IQCM: variants seen among roughly 807,000 people sequenced by gnomAD.
The protein encoded by IQCM is IQ motif containing M, also known as IQ domain-containing protein M.
A neutral mutation model predicts 57.6 loss-of-function variants in IQCM; 45 were observed. The observed-to-expected ratio is 0.78, with a 90% CI of 0.62 to 1.00. IQCM has a LOEUF of 1.00. Ranked by LOEUF, IQCM falls within the 50% of genes least tolerant of loss-of-function variation. The pLI is 0.00. For synonymous variants in IQCM, 148 were observed against 158.9 expected (o/e 0.93, Z 0.51); for missense variants, 468 against 511.6 (o/e 0.91, Z 0.82).
chr4:149,785,121 C>A (rs962337993), intron 2 of IQCM, among the ~76,000 whole-genome samples: 1 of 152,120 alleles, frequency 6.6e-6, no homozygotes, highest in Non-Finnish European at 1.5e-5. Context: ...TGATTCCTTA[C>A]GATCTAGGCA....
chr4:149,665,459 T>C (rs1012909139), intron 7 of IQCM, among the ~76,000 whole-genome samples: 1 of 152,182 alleles, frequency 6.6e-6, no homozygotes, highest in African/African-American at 2.4e-5. Flanking sequence ...CTCACTCACC[T>C]TTCTATGGTG....
intron 7 of IQCM, among the ~76,000 whole-genome samples, chr4:149,630,388 T>C (rs1757160078): frequency 6.6e-6 from 1 of 152,180 alleles, no homozygotes; most frequent in African/African-American, 2.4e-5. Flanking sequence ...ATTGTTATGG[T>C]GAACTAGATA....
chr4:149,656,317 CA>C (rs1287066655), intron 7 of IQCM, among the ~76,000 whole-genome samples: 3 of 151,944 alleles, frequency 2.0e-5, no homozygotes, highest in Non-Finnish European at 4.4e-5. Flanking sequence ...TAAATTTCAG[CA>C]TTTTCAAATC....
At chr4:149,570,498 G>A (rs1751052563) in intron 9 of IQCM, among the ~76,000 whole-genome samples, 1 of 151,946 alleles carries the variant, frequency 6.6e-6, no homozygotes, top group African/African-American at 2.4e-5. Context: ...AAAGAGAAAG[G>A]GGGTGCTTTT....
chr4:149,794,083 G>GT (rs1472286076), intron 2 of IQCM, among the ~76,000 whole-genome samples: 1 of 152,216 alleles, frequency 6.6e-6, no homozygotes, highest in African/African-American at 2.4e-5. Context: ...GACAGAGCTT[G>GT]TGGAGTGGCA....
At chr4:149,809,290 G>A (rs544365370) in intron 2 of IQCM, among the ~76,000 whole-genome samples, 2 of 151,834 alleles carry the variant, frequency 1.3e-5, no homozygotes, top group East Asian at 1.9e-4. Flanking sequence ...TGAAAAATAC[G>A]ATTTTCAGAC....
intron 12 of IQCM, among the ~76,000 whole-genome samples, chr4:149,458,560 G>A (rs1335905540): frequency 6.6e-6 from 1 of 151,854 alleles, no homozygotes; most frequent in Admixed American, 6.6e-5. Flanking sequence ...ACCCTGCTGT[G>A]TGGTAGGTTT....
At chr4:149,755,044 T>C (rs1454904201) in intron 2 of IQCM, among the ~76,000 whole-genome samples, 2 of 152,222 alleles carry the variant, frequency 1.3e-5, no homozygotes, top group African/African-American at 4.8e-5. Flanking sequence ...TTCTACGTCC[T>C]ATTCATTAGC....
At chr4:149,457,003 A>T (rs762065254) in intron 12 of IQCM, among the ~76,000 whole-genome samples, 14 of 152,098 alleles carry the variant, frequency 9.2e-5, no homozygotes, top group Non-Finnish European at 1.8e-4. Flanking sequence ...GAAACATTTT[A>T]AAAAGCTCAG....
In IQCM at chr4:149,466,000, G is replaced by T. The variant is rs537987722; in HGVS notation, c.1229-32443C>A. On this transcript the variant is annotated intron_variant, in intron 12 of 13. Transcript: ENST00000636793. ...ATTGAAACAGTTGAAATATTGTTGTGCTCACCAAATTTTCAAAAAGCACAC... is the reference window on the plus strand; with the variant it reads ...ATTGAAACAGTTGAAATATTGTTGTTCTCACCAAATTTTCAAAAAGCACAC... Among the ~76,000 whole-genome samples, 74 of 152,196 alleles carry T rather than the reference G, an allele frequency of 4.9e-4. 1 individual carries two copies. In the South Asian group the frequency reaches 0.015, roughly 32 times the overall value.
intron 4 of IQCM, among the ~76,000 whole-genome samples, chr4:149,735,053 C>G (rs1561214575): frequency 6.6e-6 from 1 of 152,052 alleles, no homozygotes; most frequent in Non-Finnish European, 1.5e-5. Flanking sequence ...TTAGCTTCGA[C>G]TAAACAGCAT....
chr4:149,733,570 AG>A, intron 4 of IQCM, 62 bp from the exon 5 acceptor site: 1 of 828,600 alleles, frequency 1.2e-6, no homozygotes, highest in Non-Finnish European at 1.6e-6. Context: ...TATTTAATAA[AG>A]TTATATATTT....
At chr4:149,583,568 C>G (rs144013509) in intron 9 of IQCM, among the ~76,000 whole-genome samples, 2 of 151,536 alleles carry the variant, frequency 1.3e-5, no homozygotes, top group South Asian at 2.1e-4. Context: ...AAAGCATTAG[C>G]AGCTCACTGC....
At chr4:149,732,797 G>A (rs1166326485) in intron 5 of IQCM, among the ~76,000 whole-genome samples, 2 of 152,140 alleles carry the variant, frequency 1.3e-5, no homozygotes, top group Non-Finnish European at 2.9e-5. Context: ...ACTGATAGAG[G>A]ATAAACCTTT....
At chr4:149,696,969 TA>T (rs942009833) in intron 5 of IQCM, among the ~76,000 whole-genome samples, 1 of 152,188 alleles carries the variant, frequency 6.6e-6, no homozygotes, top group African/African-American at 2.4e-5. Context: ...TAACCCAATC[TA>T]AGCCATCATT....
At chr4:149,546,577 C>T (rs1016047837) in intron 12 of IQCM, among the ~76,000 whole-genome samples, 4 of 151,982 alleles carry the variant, frequency 2.6e-5, no homozygotes, top group Non-Finnish European at 2.9e-5. Context: ...CCAGTGATGA[C>T]AAACATTTTT....
At chr4:149,714,281 C>G (rs535823194) in intron 5 of IQCM, among the ~76,000 whole-genome samples, 2 of 152,236 alleles carry the variant, frequency 1.3e-5, no homozygotes, top group South Asian at 4.2e-4. Context: ...TTCTCAGTCT[C>G]TTTGTTAGTT....
chr4:149,573,503 A>G (rs896424341), intron 9 of IQCM, among the ~76,000 whole-genome samples: 2 of 151,978 alleles, frequency 1.3e-5, no homozygotes, highest in African/African-American at 4.8e-5. Context: ...AATTTTGTTC[A>G]TATTTCCTGA....
intron 3 of IQCM, among the ~76,000 whole-genome samples, chr4:149,740,670 T>C (rs1767374900): frequency 1.0e-5 from 1 of 97,108 alleles, no homozygotes. Context: ...TTGGGGGTGC[T>C]TCCTTCTTTC....
Sources: allele counts gnomAD v4.1 joint callset (sites outside exome capture counted in the v4.1 genomes callset), GRCh38; gene constraint gnomAD v4.1.1; transcripts MANE v1.5; gene names NCBI Gene and HGNC (gene_info 2026-07-23, HGNC 2026-07-21).